The following FAAH2 variants were observed in gnomAD, a reference collection of about 807,000 sequenced individuals.
FAAH2 encodes fatty-acid amide hydrolase 2.
FAAH2 carries 60 observed loss-of-function variants against 36.9 expected under a neutral mutation model. The observed-to-expected ratio is 1.63, with a 90% CI of 1.32 to 2.02. The LOEUF (loss-of-function observed/expected upper bound fraction) is 2.02. FAAH2 is among the 30% of genes most tolerant of loss of function. The pLI, the probability that FAAH2 is intolerant of heterozygous loss-of-function variation, is 0.00. For synonymous variants in FAAH2, 214 were observed against 143.8 expected (o/e 1.49, Z -3.49); for missense variants, 689 against 397.5 (o/e 1.73, Z -6.23).
chrX:57,275,882 A>G, the FAAH2 span, among the ~76,000 whole-genome samples: 1 of 112,085 alleles, frequency 8.9e-6, no homozygotes, highest in Non-Finnish European at 1.9e-5. Context: ...ACTATCCTAA[A>G]TATCTATGCA....
At chrX:57,150,506 A>G in the FAAH2 span, among the ~76,000 whole-genome samples, 3 of 111,977 alleles carry the variant, frequency 2.7e-5, no homozygotes, top group Non-Finnish European at 3.8e-5. Context: ...TCCCTTTTCT[A>G]TTATGTAATG....
chrX:57,271,490 C>A, the FAAH2 span, among the ~76,000 whole-genome samples: 1 of 112,086 alleles, frequency 8.9e-6, no homozygotes, highest in South Asian at 3.8e-4. Context: ...CAAGTAGGGG[C>A]CAACAGACAT....
chrX:57,150,257 C>G, the FAAH2 span, among the ~76,000 whole-genome samples: 23 of 111,833 alleles, frequency 2.1e-4, no homozygotes, highest in Non-Finnish European at 4.3e-4. Flanking sequence ...GTGGAGAGTT[C>G]TGTAGGTGTC....
the FAAH2 span, among the ~76,000 whole-genome samples, chrX:57,172,126 C>A: frequency 1.6e-3 from 181 of 111,920 alleles, 1 homozygote; most frequent in Middle Eastern, 0.014. Context: ...AGTTTTATAG[C>A]AGTACCATGC....
chrX:57,314,491 C>G (rs1218133754), intron 3 of FAAH2, among the ~76,000 whole-genome samples: 7 of 111,341 alleles, frequency 6.3e-5, no homozygotes, highest in Non-Finnish European at 1.3e-4. Flanking sequence ...TACTTCAAGT[C>G]TCAATAAATT....
chrX:57,238,345 A>G, the FAAH2 span, among the ~76,000 whole-genome samples: 1 of 111,913 alleles, frequency 8.9e-6, no homozygotes, highest in Admixed American at 9.5e-5. Context: ...TGTCCTTTGT[A>G]TGAACAGCAA....
chrX:57,393,128 A>T (rs1602513967), intron 7 of FAAH2: 5 of 1,034,200 alleles, frequency 4.8e-6, no homozygotes, highest in Non-Finnish European at 2.7e-6. Context: ...TTCTCTGGAA[A>T]GGCAGCCGAT....
chrX:57,295,102 G>T (rs757719807), intron 2 of FAAH2, among the ~76,000 whole-genome samples: 3 of 111,738 alleles, frequency 2.7e-5, no homozygotes, highest in Non-Finnish European at 3.8e-5. Context: ...TGTGAAGAGG[G>T]TGTTGCCTGG....
At chrX:57,472,035 G>T (rs1221558543) in intron 10 of FAAH2, among the ~76,000 whole-genome samples, 1 of 112,106 alleles carries the variant, frequency 8.9e-6, no homozygotes, top group Non-Finnish European at 1.9e-5. Flanking sequence ...AAACTGGCTA[G>T]CCATATGTAG....
At chrX:57,189,585 A>G in the FAAH2 span, among the ~76,000 whole-genome samples, 3 of 110,206 alleles carry the variant, frequency 2.7e-5, no homozygotes, top group Non-Finnish European at 3.8e-5. Flanking sequence ...GGGGTCCTTT[A>G]TGTTGATGTT....
At chrX:57,148,133 GT>G in the FAAH2 span, among the ~76,000 whole-genome samples, 3 of 111,040 alleles carry the variant, frequency 2.7e-5, no homozygotes, top group Non-Finnish European at 5.7e-5. Context: ...CTCTGTTTTG[GT>G]ACCAGTACCA....
intron 5 of FAAH2, among the ~76,000 whole-genome samples, chrX:57,358,236 G>T (rs1241260004): frequency 9.2e-6 from 1 of 109,242 alleles, no homozygotes; most frequent in South Asian, 3.8e-4. Context: ...CCTCTTAACT[G>T]ATTTTTAAGT....
intron 10 of FAAH2, among the ~76,000 whole-genome samples, chrX:57,455,900 C>T (rs2056857204): frequency 8.9e-6 from 1 of 111,799 alleles, no homozygotes; most frequent in South Asian, 3.7e-4. Context: ...ATCACTGAGG[C>T]AGAAAACTAA....
chrX:57,367,319 G>A (rs2054443148), intron 5 of FAAH2, among the ~76,000 whole-genome samples: 1 of 112,122 alleles, frequency 8.9e-6, no homozygotes, highest in Admixed American at 9.4e-5. Flanking sequence ...GACATTTGTA[G>A]TCATGTTTCA....
chrX:57,325,344 C>T (rs2053181057), intron 3 of FAAH2, among the ~76,000 whole-genome samples: 2 of 111,313 alleles, frequency 1.8e-5, no homozygotes, highest in South Asian at 7.6e-4. Context: ...CAGGATGATG[C>T]TGGCCTCATA....
the FAAH2 span, among the ~76,000 whole-genome samples, chrX:57,210,459 T>A: frequency 8.9e-6 from 1 of 112,335 alleles, no homozygotes; most frequent in East Asian, 2.8e-4. Flanking sequence ...TGTTTTAATA[T>A]TTCAAAACAA....
At chrX:57,335,539 C>G (rs2053526462) in intron 4 of FAAH2, among the ~76,000 whole-genome samples, 2 of 113,423 alleles carry the variant, frequency 1.8e-5, no homozygotes, top group South Asian at 7.1e-4. Flanking sequence ...ACCTCCAGCC[C>G]TAAGGCAGTT....
At chrX:57,219,283 T>C in the FAAH2 span, among the ~76,000 whole-genome samples, 8 of 111,500 alleles carry the variant, frequency 7.2e-5, no homozygotes, top group African/African-American at 2.6e-4. Context: ...TCGTGTTGTC[T>C]GTTGGTGCAC....
the FAAH2 span, among the ~76,000 whole-genome samples, chrX:57,162,036 G>A: frequency 8.9e-6 from 1 of 111,811 alleles, no homozygotes; most frequent in South Asian, 3.8e-4. Flanking sequence ...TCCTTCAGGA[G>A]CTCTTTTAGG....
Sources: gnomAD v4.1 joint callset for allele counts (sites outside exome capture counted in the v4.1 genomes callset) on GRCh38, gnomAD v4.1.1 for gene constraint, MANE v1.5 for transcripts, NCBI Gene and HGNC (gene_info 2026-07-23, HGNC 2026-07-21) for gene names.